INPP4B: variants seen among roughly 807,000 people sequenced by gnomAD.
INPP4B encodes inositol polyphosphate 4-phosphatase type II.
In INPP4B, 55 loss-of-function variants were observed where a neutral mutation model predicts 122.5. The observed-to-expected ratio is 0.45, with a 90% CI of 0.36 to 0.56. INPP4B has a LOEUF of 0.56. INPP4B is among the 20% of genes least tolerant of loss of function. INPP4B has a pLI of 0.00. For synonymous variants in INPP4B, 403 were observed against 388.7 expected (o/e 1.04, Z -0.43); for missense variants, 1,000 against 1,097.7 (o/e 0.91, Z 1.26).
rs537344819 is a variant in INPP4B at position 142,234,883 on chromosome 4, C to T, written c.836+2981G>A. Among the ~76,000 whole-genome samples, 8 of 151,864 alleles carry T rather than the reference C, an allele frequency of 5.3e-5. No homozygotes were observed. In the East Asian group the frequency reaches 1.4e-3, roughly 26 times the overall value. ...AGCAAATGTTTTGCTGTGAAGCATA[C>T]GGAAATAACAAAAGAGATACAGAGA... On this transcript the variant is annotated intron_variant, in intron 12 of 25. Coordinates refer to ENST00000262992, the MANE Select transcript of INPP4B (RefSeq NM_001101669.3).
At chr4:142,395,438 G>T (rs1276561470) in intron 7 of INPP4B, among the ~76,000 whole-genome samples, 1 of 152,108 alleles carries the variant, frequency 6.6e-6, no homozygotes, top group African/African-American at 2.4e-5. Context: ...TAACTCATCA[G>T]GAAACCAAGT....
intron 12 of INPP4B, among the ~76,000 whole-genome samples, chr4:142,209,792 CAA>C (rs375306534): frequency 9.6e-4 from 38 of 39,536 alleles, no homozygotes; most frequent in African/African-American, 4.6e-3. Context: ...GACCCCGTCT[CAA>C]AAAAAAAAAA....
chr4:142,673,213 G>C (rs1289546808), intron 2 of INPP4B, among the ~76,000 whole-genome samples: 1 of 152,032 alleles, frequency 6.6e-6, no homozygotes, highest in Non-Finnish European at 1.5e-5. Context: ...GGCTATTTTA[G>C]TTCCTTTGAC....
At chr4:142,506,905 T>C (rs1289241713) in intron 2 of INPP4B, among the ~76,000 whole-genome samples, 1 of 152,216 alleles carries the variant, frequency 6.6e-6, no homozygotes, top group Non-Finnish European at 1.5e-5. Context: ...ACAAAGCCTG[T>C]TGGAGGACAG....
chr4:142,676,710 T>C (rs374420188), intron 2 of INPP4B, among the ~76,000 whole-genome samples: 26 of 152,238 alleles, frequency 1.7e-4, no homozygotes, highest in Middle Eastern at 3.4e-3. Flanking sequence ...ATCTGATCTT[T>C]GAGAAAACTG....
chr4:142,156,849 T>C (rs1817491072), intron 17 of INPP4B, among the ~76,000 whole-genome samples: 1 of 152,146 alleles, frequency 6.6e-6, no homozygotes, highest in South Asian at 2.1e-4. Flanking sequence ...TCTAACACCA[T>C]TTATTTGCTT....
intron 3 of INPP4B, among the ~76,000 whole-genome samples, chr4:142,440,648 C>T (rs922599804): frequency 1.3e-5 from 2 of 152,150 alleles, no homozygotes; most frequent in Non-Finnish European, 2.9e-5. Flanking sequence ...GTCATTCACT[C>T]CTTGCCTTCA....
intron 1 of INPP4B, among the ~76,000 whole-genome samples, chr4:142,731,780 A>C (rs1766128438): frequency 1.3e-5 from 2 of 152,180 alleles, no homozygotes; most frequent in Non-Finnish European, 2.9e-5. Context: ...CAGGGGAAAA[A>C]AAAAACATCA....
intron 2 of INPP4B, among the ~76,000 whole-genome samples, chr4:142,592,354 T>C (rs984373533): frequency 2.3e-4 from 35 of 152,266 alleles, no homozygotes; most frequent in African/African-American, 7.9e-4. Context: ...AAAATAATAA[T>C]TAGCATTTAG....
At chr4:142,056,668 A>G (rs1757874888) in intron 25 of INPP4B, among the ~76,000 whole-genome samples, 1 of 152,154 alleles carries the variant, frequency 6.6e-6, no homozygotes, top group Admixed American at 6.6e-5. Context: ...AAAGTGCCGA[A>G]AATATCTGGA....
At chr4:142,078,755 A>G (rs1772229353) in intron 25 of INPP4B, among the ~76,000 whole-genome samples, 1 of 152,088 alleles carries the variant, frequency 6.6e-6, no homozygotes, top group South Asian at 2.1e-4. Flanking sequence ...GAGTGATATG[A>G]TAACCTTGGC....
intron 2 of INPP4B, among the ~76,000 whole-genome samples, chr4:142,627,464 G>T (rs530105438): frequency 1.9e-4 from 27 of 139,414 alleles, no homozygotes; most frequent in Middle Eastern, 3.5e-3. Context: ...TAGCATGAAG[G>T]GTTGTTGAAT....
chr4:142,126,775 A>G, intron 18 of INPP4B, among the ~76,000 whole-genome samples: 1 of 148,850 alleles, frequency 6.7e-6, no homozygotes, highest in Non-Finnish European at 1.5e-5. Context: ...ATAGAGGTAC[A>G]CTGAACTTTT....
intron 7 of INPP4B, among the ~76,000 whole-genome samples, chr4:142,393,765 G>A (rs1025906252): frequency 1.3e-5 from 2 of 152,212 alleles, no homozygotes; most frequent in African/African-American, 2.4e-5. Context: ...TGTTCAAACT[G>A]TGGTCAAATA....
chr4:142,778,627 T>C (rs1485204800), intron 1 of INPP4B, among the ~76,000 whole-genome samples: 2 of 151,984 alleles, frequency 1.3e-5, no homozygotes, highest in Non-Finnish European at 2.9e-5. Context: ...CACAGAAGAT[T>C]CTCAGCTGAG....
At chr4:142,509,451 C>T (rs552478449) in intron 2 of INPP4B, among the ~76,000 whole-genome samples, 14 of 152,200 alleles carry the variant, frequency 9.2e-5, no homozygotes, top group African/African-American at 3.4e-4. Context: ...TTGTTCAACC[C>T]CCACATGTGA....
intron 1 of INPP4B, among the ~76,000 whole-genome samples, chr4:142,831,355 G>C (rs1782114850): frequency 6.6e-6 from 1 of 152,208 alleles, no homozygotes; most frequent in South Asian, 2.1e-4. Context: ...CTATTTGACT[G>C]TACAGAAGTC....
intron 1 of INPP4B, among the ~76,000 whole-genome samples, chr4:142,726,428 T>C (rs1251968821): frequency 6.6e-6 from 1 of 152,210 alleles, no homozygotes; most frequent in Admixed American, 6.5e-5. Flanking sequence ...TTACCTTCCT[T>C]ATGAGATGTA....
intron 2 of INPP4B, among the ~76,000 whole-genome samples, chr4:142,496,615 A>G (rs1446682948): frequency 2.6e-5 from 4 of 152,120 alleles, no homozygotes; most frequent in African/African-American, 9.7e-5. Context: ...TTGTGAGAGT[A>G]TTGTTTCCTA....
Sources: allele counts gnomAD v4.1 joint callset (sites outside exome capture counted in the v4.1 genomes callset), GRCh38; gene constraint gnomAD v4.1.1; transcripts MANE v1.5; gene names NCBI Gene and HGNC (gene_info 2026-07-23, HGNC 2026-07-21).